TRPV3: variants seen among roughly 807,000 people sequenced by gnomAD.
TRPV3 encodes transient receptor potential cation channel subfamily V member 3.
In TRPV3, 88 loss-of-function variants were observed where a neutral mutation model predicts 87.1. The ratio of observed to expected loss-of-function variants is 1.01; its 90% CI spans 0.85 to 1.21. The LOEUF (loss-of-function observed/expected upper bound fraction) is 1.21. Among genes scored for constraint, TRPV3 ranks in the 50% most tolerant of loss-of-function variants. TRPV3 has a pLI of 0.00. For missense variants in TRPV3, 1,054 were observed against 1,030.1 expected (o/e 1.02, Z -0.32); for synonymous variants, 438 against 423.3 (o/e 1.03, Z -0.43).
In TRPV3 at chr17:3,554,860, A is replaced by G. The variant is rs762080322; in HGVS notation, c.-2-8T>C. ...TGGGGTGGGCTTTCATGGCTGGAAT[A>G]CAACCACAGGGCAGATGCTCAGGCC... On this transcript the variant is annotated splice_region_variant and splice_polypyrimidine_tract_variant and intron_variant, in intron 1 of 17. Transcript: ENST00000576742. The G allele has an allele frequency of 3.3e-5, 52 of 1,597,764 alleles. No individual in the cohort carries two copies. The Admixed American group carries it at 7.9e-4, about 24-fold the overall frequency.
chr17:3,545,824 C>CA (rs35206458), intron 2 of TRPV3, among the ~76,000 whole-genome samples: 60,869 of 124,428 alleles, frequency 0.49, 16,464 homozygotes, highest in East Asian at 0.72. Flanking sequence ...ACTTAAAATG[C>CA]AAAAAAAAAA....
chr17:3,532,528 A>G, intron 8 of TRPV3, 129 bp downstream of exon 8: 2 of 1,251,002 alleles, frequency 1.6e-6, no homozygotes, highest in Non-Finnish European at 2.2e-6. Context: ...TTCTGGACCC[A>G]AGGCTGGGAC....
At chr17:3,538,365 C>T (rs1160942181) in intron 6 of TRPV3, among the ~76,000 whole-genome samples, 3 of 150,058 alleles carry the variant, frequency 2.0e-5, no homozygotes, top group Non-Finnish European at 3.0e-5. Context: ...TGTTTGGAAT[C>T]ACTGGTGGTC....
chr17:3,515,751 G>A (rs1028927799), intron 16 of TRPV3, among the ~76,000 whole-genome samples: 1 of 152,022 alleles, frequency 6.6e-6, no homozygotes, highest in Non-Finnish European at 1.5e-5. Context: ...CTTTCCATCT[G>A]CCAGGGGCAA....
In TRPV3 at chr17:3,532,659, C is replaced by T. The variant is rs747712652; in HGVS notation, c.1063G>A (p.Glu355Lys). ...LQLAAKMGKA[E>K]ILKYILSREI... Reference sequence around the variant, plus strand: ...CTCCCCACGCCCCATGGCCCCACCTCCGCCTTGCCCATCTTGGCGGCCAGC... The same window carrying T: ...CTCCCCACGCCCCATGGCCCCACCTTCGCCTTGCCCATCTTGGCGGCCAGC... Residue 355 changes from glutamate to lysine, a missense_variant and splice_region_variant, in exon 8 of 18, where the codon GAG becomes AAG. Glu to Lys is a moderately conservative substitution (Grantham distance 56). Transcript: ENST00000576742. The T allele has an allele frequency of 1.3e-4, 216 of 1,613,874 alleles. 1 individual carries two copies. Among genetic ancestry groups the T allele is most frequent in the Non-Finnish European group, 1.7e-4 (204 of 1,180,000 alleles).
chr17:3,526,736 G>C, intron 12 of TRPV3, 118 bp downstream of exon 12: 4 of 784,032 alleles, frequency 5.1e-6, no homozygotes, highest in Non-Finnish European at 8.6e-6. Context: ...AACCATGGCA[G>C]AGTGACTGGG....
intron 16 of TRPV3, 146 bp downstream of exon 16, chr17:3,516,311 T>C (rs2074182877): frequency 6.2e-6 from 4 of 649,250 alleles, no homozygotes; most frequent in Admixed American, 2.7e-5. Context: ...AGCAAATTCC[T>C]TCTTCCAAGG....
chr17:3,517,641 A>C (rs1364659404), intron 15 of TRPV3, among the ~76,000 whole-genome samples: 1 of 149,238 alleles, frequency 6.7e-6, no homozygotes, highest in East Asian at 2.0e-4. Flanking sequence ...AAAAAAAAAA[A>C]GGAGGGCCTT....
intron 2 of TRPV3, among the ~76,000 whole-genome samples, chr17:3,548,771 G>A (rs1042331908): frequency 2.6e-5 from 4 of 152,206 alleles, no homozygotes; most frequent in African/African-American, 9.6e-5. Flanking sequence ...CCTTGCCTGG[G>A]AACCTAAAGC....
rs1448216279 is a variant in TRPV3, at chr17:3,518,546, C to T, written c.2085+30G>A. 2 of 1,534,942 alleles carry T rather than the reference C, an allele frequency of 1.3e-6. No individual in the cohort carries two copies. Among genetic ancestry groups the T allele is most frequent in the South Asian group, 1.2e-5 (1 of 80,410 alleles). On this transcript the variant is annotated intron_variant, in intron 15 of 17. Transcript: ENST00000576742. This position sits in a 1 kb window ranked among gnomAD's most constrained non-coding sequence, Gnocchi z 4.3. The stretch of plus-strand genomic sequence containing the variant: ...GTGCTGAACTGAGTCCCGTGGAGGC[C>T]CCCACGCTGGGGTCTCCACCTAGGC...
chr17:3,554,585 A>G (rs539399274), intron 2 of TRPV3, 147 bp downstream of exon 2: 146 of 629,346 alleles, frequency 2.3e-4, no homozygotes, highest in Non-Finnish European at 1.5e-4. Flanking sequence ...ACCATCCCCT[A>G]GTCATACCTC....
At chr17:3,551,234 C>G (rs141582145) in intron 2 of TRPV3, among the ~76,000 whole-genome samples, 1 of 152,242 alleles carries the variant, frequency 6.6e-6, no homozygotes, top group African/African-American at 2.4e-5. Context: ...CAGTGATAAG[C>G]GCAGGGCTGG....
chr17:3,548,693 G>C (rs1597491592), intron 2 of TRPV3, among the ~76,000 whole-genome samples: 1 of 152,322 alleles, frequency 6.6e-6, no homozygotes, highest in East Asian at 1.9e-4. Context: ...CCACCAAAAG[G>C]AACCTTCTGA....
rs1279393698 is a variant in TRPV3 at position 3,512,680 on chromosome 17, C to G, written c.*1237G>C. The G allele has an allele frequency of 1.3e-5, 2 of 152,224 alleles. No individual in the cohort carries two copies. The highest frequency in any genetic ancestry group is 2.9e-5 in the Non-Finnish European group (2 of 68,032). 9.4% of individuals were successfully genotyped at this position (152,224 alleles called of 1,614,324 possible). A position where few individuals can be genotyped will look rare whatever the true frequency, so the allele number is the denominator to read the frequency against. ...AAATCCTTCCGTCTCCACTTCACCT[C>G]TGCCCCCCAGACTGACTCCGTGTCA... On this transcript the variant is annotated 3_prime_UTR_variant, in exon 18 of 18. Transcript: ENST00000576742.
chr17:3,530,276 G>A lies in TRPV3; in HGVS notation c.1066-73C>T, dbSNP rs1428924732. 2.0e-6 allele frequency: 3 copies of A among 1,475,856 alleles called. No individual in the cohort carries two copies. The highest frequency in any genetic ancestry group is 1.4e-5 in the African/African-American group (1 of 71,590). 91.4% of individuals were successfully genotyped at this position (1,475,856 alleles called of 1,614,324 possible). On this transcript the variant is annotated intron_variant, in intron 8 of 17. Coordinates refer to ENST00000576742, the MANE Select transcript of TRPV3 (RefSeq NM_145068.4). This position sits in a 1 kb window ranked among gnomAD's most constrained non-coding sequence, Gnocchi z 4.0. Reference sequence around the variant, plus strand: ...GGCCAACAGGGCTGGACCAGCCAGAGGCTGGCTGGGCCCAGGGGATACACC... The same window carrying A: ...GGCCAACAGGGCTGGACCAGCCAGAAGCTGGCTGGGCCCAGGGGATACACC...
rs1206683071 is a variant in TRPV3 at position 3,511,202 on chromosome 17, CCT to C, written c.*2713_*2714del. 1 of 152,048 alleles carries C rather than the reference CCT, an allele frequency of 6.6e-6. No individual in the cohort carries two copies. Among genetic ancestry groups the C allele is most frequent in the Admixed American group, 6.6e-5 (1 of 15,260 alleles). 9.4% of individuals were successfully genotyped at this position (152,048 alleles called of 1,614,324 possible). A position where few individuals can be genotyped will look rare whatever the true frequency, so the allele number is the denominator to read the frequency against. ...GTGCATGGGTGTGGTTTTGTGCACC[CCT>C]GTGGGCACACTTGAATTTTCAACTA... On this transcript the variant is annotated 3_prime_UTR_variant, in exon 18 of 18. Coordinates refer to ENST00000576742, the MANE Select transcript of TRPV3 (RefSeq NM_145068.4).
chr17:3,516,448 C>T lies in TRPV3; in HGVS notation c.2198+9G>A. On this transcript the variant is annotated intron_variant, in intron 16 of 17. Coordinates refer to ENST00000576742, the MANE Select transcript of TRPV3 (RefSeq NM_145068.4). ...GACCACCACCCCAGGGCCCTTCTCC[C>T]TTTGTTACCGCAAACACAGTCGGAA... The T allele has an allele frequency of 6.2e-7, 1 of 1,613,090 alleles. No individual in the cohort carries two copies. Among genetic ancestry groups the T allele is most frequent in the Non-Finnish European group, 8.5e-7 (1 of 1,179,058 alleles).
chr17:3,544,679 C>G lies in TRPV3; in HGVS notation c.225-14G>C. ...TTACCAGAGATGCTGGAGGTGTTGG[C>G]AGGGGGAACAGAGAGGGTTTTAAAG... On this transcript the variant is annotated splice_polypyrimidine_tract_variant and intron_variant, in intron 3 of 17. Transcript: ENST00000576742. The G allele has an allele frequency of 6.3e-7, 1 of 1,593,192 alleles. No homozygotes were observed. Among genetic ancestry groups the G allele is most frequent in the Non-Finnish European group, 8.6e-7 (1 of 1,166,796 alleles).
intron 2 of TRPV3, 40 bp from the exon 3 acceptor site, chr17:3,545,311 G>A: frequency 6.7e-7 from 1 of 1,496,732 alleles, no homozygotes; most frequent in Non-Finnish European, 9.3e-7. Context: ...GCCGAGCCAG[G>A]CAGAGCCTGT....
Sources: gnomAD v4.1 joint callset for allele counts (sites outside exome capture counted in the v4.1 genomes callset) on GRCh38, gnomAD v4.1.1 for gene constraint, Gnocchi (gnomAD v3.1) non-coding constraint, MANE v1.5 for transcripts, NCBI Gene and HGNC (gene_info 2026-07-23, HGNC 2026-07-21) for gene names.